GADL1: variants seen among roughly 807,000 people sequenced by gnomAD.
GADL1 encodes the protein acidic amino acid decarboxylase GADL1.
GADL1 carries 71 observed loss-of-function variants against 69.5 expected under a neutral mutation model. The observed-to-expected ratio is 1.02, with a 90% confidence interval of 0.84 to 1.25. GADL1 has a LOEUF of 1.25. GADL1 is among the 50% of genes most tolerant of loss of function. The probability of loss-of-function intolerance (pLI) is 0.00; values close to 1 mark genes in which losing one functional copy is unlikely to be tolerated. For synonymous variants in GADL1, 254 were observed against 214.4 expected (o/e 1.18, Z -1.62); for missense variants, 737 against 631.8 (o/e 1.17, Z -1.79).
intron 14 of GADL1, among the ~76,000 whole-genome samples, chr3:30,745,001 T>A (rs1695680417): frequency 6.6e-6 from 1 of 152,212 alleles, no homozygotes. Flanking sequence ...GGTTTTAAAA[T>A]TAAAAGCTAT....
At chr3:30,834,523 G>A (rs1193183061) in intron 9 of GADL1, among the ~76,000 whole-genome samples, 1 of 152,018 alleles carries the variant, frequency 6.6e-6, no homozygotes, top group Non-Finnish European at 1.5e-5. Context: ...TCATAAATTG[G>A]TATATTAACC....
At chr3:30,771,745 A>G (rs304826) in intron 14 of GADL1, among the ~76,000 whole-genome samples, 49,136 of 152,208 alleles carry the variant, frequency 0.32, 9,567 homozygotes, top group Non-Finnish European at 0.43. Context: ...GACTGAATAT[A>G]CTAATGTCAA....
At chr3:30,784,891 TCC>T (rs1028598036) in intron 13 of GADL1, among the ~76,000 whole-genome samples, 16 of 152,104 alleles carry the variant, frequency 1.1e-4, no homozygotes, top group Non-Finnish European at 2.2e-4. Context: ...TGCTGCACAC[TCC>T]CCTTCATTCA....
intron 12 of GADL1, among the ~76,000 whole-genome samples, chr3:30,795,388 T>C (rs781082422): frequency 2.0e-5 from 3 of 152,198 alleles, no homozygotes; most frequent in Non-Finnish European, 4.4e-5. Context: ...CTAGAGCTAC[T>C]TTGTAGTGGT....
At chr3:30,794,379 C>A (rs753103395) in intron 12 of GADL1, among the ~76,000 whole-genome samples, 1 of 152,044 alleles carries the variant, frequency 6.6e-6, no homozygotes, top group East Asian at 1.9e-4. Context: ...ACCTGAATGC[C>A]ATAACAAAGG....
At chr3:30,758,482 C>T (rs795451) in intron 14 of GADL1, among the ~76,000 whole-genome samples, 64,296 of 151,938 alleles carry the variant, frequency 0.42, 13,669 homozygotes, top group Non-Finnish European at 0.44. Context: ...TAGAATCAGA[C>T]TGGCTCTGAG....
intron 14 of GADL1, among the ~76,000 whole-genome samples, chr3:30,747,083 G>A (rs1213979639): frequency 2.0e-5 from 3 of 152,114 alleles, no homozygotes; most frequent in Admixed American, 1.3e-4. Flanking sequence ...AGGTTCCTGC[G>A]TTTTTCTTTT....
chr3:30,784,936 C>T (rs1347953605), intron 13 of GADL1, among the ~76,000 whole-genome samples: 1 of 152,280 alleles, frequency 6.6e-6, no homozygotes, highest in Admixed American at 6.5e-5. Context: ...AAAGACAGAA[C>T]TCTCTTCAGC....
At chr3:30,808,724 T>TA (rs756921474) in intron 11 of GADL1, among the ~76,000 whole-genome samples, 6 of 152,170 alleles carry the variant, frequency 3.9e-5, no homozygotes, top group Non-Finnish European at 8.8e-5. Flanking sequence ...GTGGGAAAAA[T>TA]AACCCTCTCT....
rs771871292 is a variant in GADL1 at position 30,861,622 on chromosome 3, C to T, written c.181G>A (p.Val61Ile). 8 of 1,549,042 alleles carry T rather than the reference C, an allele frequency of 5.2e-6. No individual in the cohort carries two copies. In the South Asian group the frequency reaches 9.6e-5, roughly 19 times the overall value. Residue 61 changes from valine to isoleucine, a missense_variant, in exon 2 of 15, where the codon GTT (valine) becomes ATT (isoleucine). Coordinates refer to ENST00000282538, the MANE Select transcript of GADL1 (RefSeq NM_207359.3). The part of the protein sequence containing the change: ...EACRLIMEEV[V>I]LKATDVNEKV... ...TCATTGACATCTGTAGCTTTCAAAA[C>T]CACCTCTTCCATTATTAGCCTACAG...
intron 14 of GADL1, among the ~76,000 whole-genome samples, chr3:30,765,263 G>A (rs1212525221): frequency 6.6e-6 from 1 of 151,866 alleles, no homozygotes; most frequent in Non-Finnish European, 1.5e-5. Context: ...GGCTCTTCCT[G>A]CACATCAAAA....
chr3:30,855,504 G>T (rs1333282313), intron 3 of GADL1, among the ~76,000 whole-genome samples: 1 of 152,052 alleles, frequency 6.6e-6, no homozygotes, highest in Non-Finnish European at 1.5e-5. Flanking sequence ...TATATAGATG[G>T]AGTAAGATGT....
intron 11 of GADL1, among the ~76,000 whole-genome samples, chr3:30,810,852 G>T (rs1233766594): frequency 6.6e-6 from 1 of 152,104 alleles, no homozygotes; most frequent in Non-Finnish European, 1.5e-5. Flanking sequence ...AAAATGAGAG[G>T]GGGAGGGGGA....
intron 11 of GADL1, among the ~76,000 whole-genome samples, chr3:30,823,592 T>C (rs1227783362): frequency 6.6e-6 from 1 of 151,906 alleles, no homozygotes; most frequent in Non-Finnish European, 1.5e-5. Context: ...AGGGTAAATT[T>C]TCAAATAAAA....
chr3:30,801,348 A>C (rs1697161261), intron 11 of GADL1, among the ~76,000 whole-genome samples: 1 of 152,160 alleles, frequency 6.6e-6, no homozygotes, highest in African/African-American at 2.4e-5. Context: ...AGCTGAGAAG[A>C]CCATGTCATT....
At chr3:30,808,750 C>A (rs757539737) in intron 11 of GADL1, among the ~76,000 whole-genome samples, 1 of 152,188 alleles carries the variant, frequency 6.6e-6, no homozygotes, top group Non-Finnish European at 1.5e-5. Context: ...TCTCTAAATG[C>A]AAGTCCACCC....
Position 30,819,218 on chromosome 3 carries a change from A to G in GADL1, c.1050+14635T>C, listed in dbSNP as rs937839345. Among the ~76,000 whole-genome samples, 211 of 149,466 alleles carry G rather than the reference A, an allele frequency of 1.4e-3. 2 individuals carry two copies. Among genetic ancestry groups the G allele is most frequent in the African/African-American group, 5.0e-3 (199 of 39,980 alleles). On this transcript the variant is annotated intron_variant, in intron 11 of 14. Coordinates refer to ENST00000282538, the MANE Select transcript of GADL1 (RefSeq NM_207359.3). ...TGCCCCGGGTTTACACTTATACTTAAGAATTGCTTTCTCTTCAGAGAGTCC... is the reference window on the plus strand; with the variant it reads ...TGCCCCGGGTTTACACTTATACTTAGGAATTGCTTTCTCTTCAGAGAGTCC...
intron 1 of GADL1, among the ~76,000 whole-genome samples, chr3:30,862,925 G>A (rs1477536318): frequency 2.0e-5 from 3 of 151,726 alleles, no homozygotes; most frequent in African/African-American, 7.3e-5. Flanking sequence ...GGAGTGTGGA[G>A]GAGACCAAGA....
At chr3:30,735,139 C>A (rs1479890514) in intron 14 of GADL1, among the ~76,000 whole-genome samples, 1 of 152,108 alleles carries the variant, frequency 6.6e-6, no homozygotes, top group African/African-American at 2.4e-5. Context: ...TTTTTGAAAG[C>A]TACTTGATCC....
Sources: allele counts gnomAD v4.1 joint callset (sites outside exome capture counted in the v4.1 genomes callset), GRCh38; gene constraint gnomAD v4.1.1; transcripts MANE v1.5; gene names NCBI Gene and HGNC (gene_info 2026-07-23, HGNC 2026-07-21).